Variants in CAGE1 observed in about 807,000 individuals in gnomAD.
CAGE1 encodes the protein cancer antigen 1, also known as cancer-associated gene 1 protein.
In CAGE1, 66 loss-of-function variants were observed where a neutral mutation model predicts 94.9. The ratio of observed to expected loss-of-function variants is 0.70; its 90% CI spans 0.57 to 0.85. The LOEUF is 0.85. Ranked by LOEUF, CAGE1 falls within the 40% of genes least tolerant of loss-of-function variation. The pLI is 0.00. For synonymous variants in CAGE1, 319 were observed against 321.0 expected (o/e 0.99, Z 0.07); for missense variants, 865 against 950.4 (o/e 0.91, Z 1.18).
Position 7,389,717 on chromosome 6 carries a change from A to C in CAGE1, c.-539T>G. ...GAGAGCACAGAACATCCACAGCCCT[A>C]TACAGCGCGCCATCCAGAGAGCTCC... On this transcript the variant is annotated 5_prime_UTR_variant, in exon 1 of 14. Transcript: ENST00000502583. The C allele has an allele frequency of 1.8e-6, 1 of 544,318 alleles. No individual in the cohort carries two copies. The highest frequency in any genetic ancestry group is 3.3e-6 in the Non-Finnish European group (1 of 302,226). 33.7% of individuals were successfully genotyped at this position (544,318 alleles called of 1,614,324 possible).
At chr6:7,365,345 A>T (rs894109903) in intron 9 of CAGE1, 123 bp downstream of exon 9, 34 of 696,002 alleles carry the variant, frequency 4.9e-5, no homozygotes, top group African/African-American at 1.1e-4. Context: ...TAATAATGCC[A>T]TGATGCCAGT....
chr6:7,338,331 T>A (rs1357712111), intron 11 of CAGE1, among the ~76,000 whole-genome samples: 1 of 152,190 alleles, frequency 6.6e-6, no homozygotes. Context: ...TTCCTGATGA[T>A]GAGAAAGCAT....
At chr6:7,331,194 G>T in intron 12 of CAGE1, 1 of 312,410 alleles carries the variant, frequency 3.2e-6, no homozygotes, top group South Asian at 8.1e-5. Flanking sequence ...ACATTTCCAT[G>T]ACACCAACAC....
intron 11 of CAGE1, among the ~76,000 whole-genome samples, chr6:7,352,317 A>AAAC (rs1759809694): frequency 2.2e-5 from 2 of 89,670 alleles, no homozygotes; most frequent in South Asian, 3.2e-4. Context: ...AAAAAAAAAC[A>AAAC]AAAAAAAAAA....
intron 4 of CAGE1, among the ~76,000 whole-genome samples, chr6:7,376,104 T>C (rs1475212325): frequency 6.6e-6 from 1 of 152,022 alleles, no homozygotes; most frequent in Admixed American, 6.6e-5. Context: ...AAAGTGAGTT[T>C]GGGGGCTGGG....
chr6:7,347,499 A>AG (rs1759593300), intron 11 of CAGE1: 2 of 1,290 alleles, frequency 1.6e-3, no homozygotes, highest in African/African-American at 3.8e-3. Flanking sequence ...ATCCAAAGCG[A>AG]GGGTGGGGGG....
At chr6:7,345,518 G>C (rs1397646824) in intron 11 of CAGE1, among the ~76,000 whole-genome samples, 1 of 152,130 alleles carries the variant, frequency 6.6e-6, no homozygotes, top group Non-Finnish European at 1.5e-5. Flanking sequence ...GATCACTCTG[G>C]CTGCATATAC....
chr6:7,385,743 A>C, intron 3 of CAGE1, 42 bp downstream of exon 3: 1 of 1,262,392 alleles, frequency 7.9e-7, no homozygotes, highest in South Asian at 1.5e-5. Flanking sequence ...ACACAAAAAA[A>C]AGTTTCTCTC....
intron 4 of CAGE1, among the ~76,000 whole-genome samples, chr6:7,377,906 T>A (rs1760810006): frequency 6.6e-6 from 1 of 152,218 alleles, no homozygotes; most frequent in Non-Finnish European, 1.5e-5. Context: ...ACATGTGTGC[T>A]CGGAATCAAT....
chr6:7,380,020 G>A (rs190097768), intron 3 of CAGE1, among the ~76,000 whole-genome samples: 9 of 152,186 alleles, frequency 5.9e-5, no homozygotes, highest in South Asian at 4.1e-4. Context: ...GTTAGGCACC[G>A]TACAGCACCT....
Position 7,373,552 on chromosome 6 carries a change from T to C in CAGE1, c.1267A>G (p.Arg423Gly). 6.2e-7 allele frequency: 1 copy of C among 1,613,584 alleles called. No homozygotes were observed. The highest frequency in any genetic ancestry group is 8.5e-7 in the Non-Finnish European group (1 of 1,179,794). Residue 423 changes from arginine to glycine, a missense_variant, in exon 5 of 14, where the codon AGG becomes GGG. By Grantham distance (125) the Arg-to-Gly change is moderately radical. Transcript: ENST00000502583. Reference sequence around the variant, plus strand: ...TTTTGTTGCATTTCAGTCATGTACCTTTCCTGTAAACACACATAATTAGCC... The same window carrying C: ...TTTTGTTGCATTTCAGTCATGTACCCTTCCTGTAAACACACATAATTAGCC... The part of the protein sequence containing the change: ...IKANYVCLQE[R>G]YMTEMQQKNK...
intron 4 of CAGE1, among the ~76,000 whole-genome samples, chr6:7,375,182 G>A (rs1760693839): frequency 6.6e-6 from 1 of 151,936 alleles, no homozygotes; most frequent in Admixed American, 6.6e-5. Context: ...AGGCTGAGGC[G>A]GGTGGATCAT....
Position 7,373,382 on chromosome 6 carries a change from G to T in CAGE1, c.1437C>A (p.Ala479=). ...GTAAAGACAAGAACTCTTGTTCTTG[G>T]GCCTCTTTTTCCCGTTTCAACAAGT... ...ALDLLKREKE[A]QEQEFLSLQE... Residue 479 remains alanine (A), a synonymous_variant, in exon 5 of 14, where the codon GCC becomes GCA. Coordinates refer to ENST00000502583, the MANE Select transcript of CAGE1 (RefSeq NM_001170692.2). The T allele has an allele frequency of 1.2e-6, 2 of 1,613,582 alleles. No homozygotes were observed. The highest frequency in any genetic ancestry group is 1.3e-5 in the African/African-American group (1 of 74,950).
chr6:7,372,314 A>G (rs1237763489), intron 5 of CAGE1, among the ~76,000 whole-genome samples: 1 of 151,996 alleles, frequency 6.6e-6, no homozygotes, highest in Non-Finnish European at 1.5e-5. Context: ...TCTACTAAAA[A>G]TACAAAATTA....
chr6:7,385,777 A>T lies in CAGE1; in HGVS notation c.283+8T>A. On this transcript the variant is annotated splice_region_variant and intron_variant, in intron 3 of 13. Transcript: ENST00000502583. ...TCTTTTGCATATTGCTAACAAGTAG[A>T]TACTTACCATTTAACAAATTGTCTA... 6.6e-7 allele frequency: 1 copy of T among 1,504,086 alleles called. No individual in the cohort carries two copies. The highest frequency in any genetic ancestry group is 9.0e-7 in the Non-Finnish European group (1 of 1,116,174). The allele number at this position is 1,504,086 out of a possible 1,614,324, so 93.2% of individuals were successfully genotyped here.
At chr6:7,344,508 A>G (rs1201414619) in intron 11 of CAGE1, among the ~76,000 whole-genome samples, 2 of 152,210 alleles carry the variant, frequency 1.3e-5, no homozygotes, top group East Asian at 3.9e-4. Context: ...CAACCCCTCC[A>G]TGAGCTCCTG....
At chr6:7,337,264 T>G (rs541353549) in intron 11 of CAGE1, among the ~76,000 whole-genome samples, 1 of 148,636 alleles carries the variant, frequency 6.7e-6, no homozygotes, top group East Asian at 2.0e-4. Flanking sequence ...GAGGCGGAGG[T>G]TGCAGTGAGC....
chr6:7,373,009 G>C (rs74944145), intron 5 of CAGE1, 64 bp downstream of exon 5: 1 of 1,120,904 alleles, frequency 8.9e-7, no homozygotes, highest in African/African-American at 1.6e-5. Flanking sequence ...GTCTAAATAC[G>C]CATCACTAGA....
At chr6:7,345,334 C>A (rs992498359) in intron 11 of CAGE1, among the ~76,000 whole-genome samples, 1 of 150,482 alleles carries the variant, frequency 6.6e-6, no homozygotes, top group African/African-American at 2.5e-5. Flanking sequence ...CCACTAAACC[C>A]AGCAGGATGA....
Sources: gnomAD v4.1 joint callset for allele counts (sites outside exome capture counted in the v4.1 genomes callset) on GRCh38, gnomAD v4.1.1 for gene constraint, MANE v1.5 for transcripts, NCBI Gene and HGNC (gene_info 2026-07-23, HGNC 2026-07-21) for gene names.